Variants in RPH3AL observed in about 807,000 individuals in gnomAD.
The protein encoded by RPH3AL is rab effector Noc2.
In RPH3AL, 38 loss-of-function variants were observed where a neutral mutation model predicts 43.1. The observed-to-expected ratio is 0.88, with a 90% CI of 0.68 to 1.15. The LOEUF (loss-of-function observed/expected upper bound fraction) is 1.15. RPH3AL is among the 50% of genes most tolerant of loss of function. The probability of loss-of-function intolerance (pLI) is 0.00; values close to 1 mark genes in which losing one functional copy is unlikely to be tolerated. For missense variants in RPH3AL, 462 were observed against 423.2 expected (o/e 1.09, Z -0.81); for synonymous variants, 189 against 176.3 (o/e 1.07, Z -0.57).
chr17:326,674 A>C (rs2151707891), intron 3 of RPH3AL, among the ~76,000 whole-genome samples: 1 of 152,224 alleles, frequency 6.6e-6, no homozygotes, highest in East Asian at 1.9e-4. Context: ...TGAGGTCAGG[A>C]GTTCGAGACC....
At chr17:222,248 G>A (rs982939221) in intron 7 of RPH3AL, among the ~76,000 whole-genome samples, 2 of 152,258 alleles carry the variant, frequency 1.3e-5, no homozygotes, top group Non-Finnish European at 2.9e-5. Flanking sequence ...CCATTTCACA[G>A]GCAAGAAAAC....
chr17:225,538 T>C lies in RPH3AL; in HGVS notation c.614-5802A>G, dbSNP rs1189750238. Reference sequence around the variant, plus strand: ...ATTCCTGCTGGGCTCCTGGAGCAAGTTGTTCCCATGTTGCCCTTGGGGCAG... The same window carrying C: ...ATTCCTGCTGGGCTCCTGGAGCAAGCTGTTCCCATGTTGCCCTTGGGGCAG... On this transcript the variant is annotated intron_variant, in intron 7 of 9. Transcript: ENST00000331302. This position sits in a 1 kb window ranked among gnomAD's most constrained non-coding sequence, Gnocchi z 4.4. Among the ~76,000 whole-genome samples, 2 of 152,136 alleles carry C rather than the reference T, an allele frequency of 1.3e-5. No individual in the cohort carries two copies. Among genetic ancestry groups the C allele is most frequent in the African/African-American group, 4.8e-5 (2 of 41,444 alleles).
chr17:257,695 T>C lies in RPH3AL; in HGVS notation c.439-10410A>G, dbSNP rs60332351. On this transcript the variant is annotated intron_variant, in intron 6 of 9. Transcript: ENST00000331302. ...GTCTGTCCTTTTCCGTCCCTAGGAA[T>C]GTGACTACCCTACGTACTTCCTATG... 9.1e-3 allele frequency among the ~76,000 whole-genome samples: 272 copies of C among 29,880 alleles called. 7 individuals carry two copies. The highest frequency in any genetic ancestry group is 0.056 in the African/African-American group (155 of 2,778). 19.6% of individuals were successfully genotyped at this position (29,880 alleles called of 152,430 possible). A position where few individuals can be genotyped will look rare whatever the true frequency, so the allele number is the denominator to read the frequency against.
In RPH3AL at chr17:352,785, TC is replaced by T. The variant is rs1458556967; in HGVS notation, c.-287del. On this transcript the variant is annotated 5_prime_UTR_variant, in exon 1 of 10. Coordinates refer to ENST00000331302, the MANE Select transcript of RPH3AL (RefSeq NM_006987.4). ...GCCGCTCTCCCTCCCACCACCGTTG[TC>T]GGGGGTGACCCGAGGTGTTCCAGAT... 8.5e-5 allele frequency: 13 copies of T among 152,202 alleles called. No homozygotes were observed. The highest frequency in any genetic ancestry group is 8.5e-4 in the Admixed American group (13 of 15,274). The allele number at this position is 152,202 out of a possible 1,614,324, so 9.4% of individuals were successfully genotyped here.
chr17:221,804 AACAGC>A (rs1342560017), intron 7 of RPH3AL, among the ~76,000 whole-genome samples: 4 of 113,918 alleles, frequency 3.5e-5, no homozygotes, highest in African/African-American at 1.5e-4. Context: ...ACCCAAGCAC[AACAGC>A]TCTGAGGGCT....
chr17:296,066 G>A lies in RPH3AL; in HGVS notation c.352-14212C>T, dbSNP rs182077276. On this transcript the variant is annotated intron_variant, in intron 5 of 9. Coordinates refer to ENST00000331302, the MANE Select transcript of RPH3AL (RefSeq NM_006987.4). Reference sequence around the variant, plus strand: ...GGACAGAGGAGCTGCAGAAATGGACGGGCAGAGGGAATACACATCAGTGTG... The same window carrying A: ...GGACAGAGGAGCTGCAGAAATGGACAGGCAGAGGGAATACACATCAGTGTG... 2.3e-4 allele frequency among the ~76,000 whole-genome samples: 33 copies of A among 141,368 alleles called. 1 individual carries two copies. Among genetic ancestry groups the A allele is most frequent in the African/African-American group, 7.5e-4 (28 of 37,478 alleles). The allele number at this position is 141,368 out of a possible 152,430, so 92.7% of individuals were successfully genotyped here.
Position 348,543 on chromosome 17 carries a change from AAAAAAAGT to A in RPH3AL, c.-213+4161_-213+4168del, listed in dbSNP as rs373234729. On this transcript the variant is annotated intron_variant, in intron 1 of 9. Transcript: ENST00000331302. ...AACCTAACACTGTTCAAGAAAAAAA[AAAAAAAGT>A]AAAGTGCTACCAAATGCAATGAAAA... 7.7e-3 allele frequency among the ~76,000 whole-genome samples: 1,169 copies of A among 151,904 alleles called. 9 individuals are homozygous for A. Among genetic ancestry groups the A allele is most frequent in the African/African-American group, 0.027 (1,097 of 41,384 alleles).
At chr17:263,377 T>C (rs185303878) in intron 6 of RPH3AL, among the ~76,000 whole-genome samples, 36 of 152,262 alleles carry the variant, frequency 2.4e-4, no homozygotes, top group Admixed American at 2.0e-3. Flanking sequence ...TCATCTTGCA[T>C]GGCCAGGAGT....
chr17:229,388 C>G (rs1277132751), intron 7 of RPH3AL, among the ~76,000 whole-genome samples: 2 of 152,216 alleles, frequency 1.3e-5, no homozygotes, highest in Admixed American at 6.5e-5. Context: ...AAATGCTCCC[C>G]AGGACAGGAA....
At chr17:307,910 T>C (rs1471091608) in intron 5 of RPH3AL, among the ~76,000 whole-genome samples, 1 of 152,216 alleles carries the variant, frequency 6.6e-6, no homozygotes, top group Non-Finnish European at 1.5e-5. Flanking sequence ...AAGGCAGATG[T>C]TCCAAGATGC....
In RPH3AL at chr17:350,419, G is replaced by T. The variant is rs188192761; in HGVS notation, c.-213+2293C>A. Among the ~76,000 whole-genome samples, 82 of 152,260 alleles carry T rather than the reference G, an allele frequency of 5.4e-4. No individual in the cohort carries two copies. In the East Asian group the frequency reaches 0.015, roughly 28 times the overall value. ...GAGGTCAAGAGATCAAGACCAGCCT[G>T]GCCAACATGGGTGAAACACCATCTC... On this transcript the variant is annotated intron_variant, in intron 1 of 9. Coordinates refer to ENST00000331302, the MANE Select transcript of RPH3AL (RefSeq NM_006987.4).
chr17:240,582 G>A (rs1039841956), intron 7 of RPH3AL, among the ~76,000 whole-genome samples: 5 of 152,136 alleles, frequency 3.3e-5, no homozygotes, highest in African/African-American at 9.7e-5. Context: ...CTTCCACTTC[G>A]CATGGTGTTT....
chr17:239,388 G>A (rs1011213464), intron 7 of RPH3AL, among the ~76,000 whole-genome samples: 3 of 152,216 alleles, frequency 2.0e-5, no homozygotes, highest in Non-Finnish European at 4.4e-5. Context: ...CCAGTTATGA[G>A]ATAGGTCTGT....
intron 5 of RPH3AL, among the ~76,000 whole-genome samples, chr17:317,210 C>A (rs2044286611): frequency 6.6e-6 from 1 of 150,878 alleles, no homozygotes; most frequent in Admixed American, 6.6e-5. Context: ...CTGTACTCCA[C>A]CTCCATTGAC....
chr17:338,242 G>A (rs1003041114), intron 1 of RPH3AL, among the ~76,000 whole-genome samples: 30 of 152,218 alleles, frequency 2.0e-4, no homozygotes, highest in Admixed American at 1.5e-3. Context: ...CAGGAGGATC[G>A]TTTGAGCTCA....
intron 6 of RPH3AL, among the ~76,000 whole-genome samples, chr17:268,517 T>C (rs1239828752): frequency 1.3e-5 from 2 of 151,152 alleles, no homozygotes; most frequent in East Asian, 1.9e-4. Flanking sequence ...TTTTGGAGAG[T>C]TAATAGTTAT....
chr17:313,780 A>T (rs1264703948), intron 5 of RPH3AL, among the ~76,000 whole-genome samples: 5 of 152,160 alleles, frequency 3.3e-5, no homozygotes, highest in African/African-American at 1.2e-4. Context: ...TTATTTACAG[A>T]ATGAATGAAG....
rs372761475 is a variant in RPH3AL at position 258,757 on chromosome 17, G to GTTTTTTTTTTTTTTTTT, written c.439-11489_439-11473dup. ...TCAGCCATTTTGGGATAGTCAACCC[G>GTTTTTTTTTTTTTTTTT]TTTTTTTTTTTTTTTTTTTTTGAGA... On this transcript the variant is annotated intron_variant, in intron 6 of 9. Transcript: ENST00000331302. 2.0e-5 allele frequency among the ~76,000 whole-genome samples: 2 copies of GTTTTTTTTTTTTTTTTT among 98,770 alleles called. 1 individual carries two copies. 64.8% of individuals were successfully genotyped at this position (98,770 alleles called of 152,430 possible).
intron 5 of RPH3AL, among the ~76,000 whole-genome samples, chr17:301,377 C>G (rs1372240891): frequency 6.6e-6 from 1 of 152,204 alleles, no homozygotes; most frequent in East Asian, 1.9e-4. Context: ...GAGCACGGCT[C>G]ACTGTAGCTT....
Sources: allele counts gnomAD v4.1 joint callset (sites outside exome capture counted in the v4.1 genomes callset), GRCh38; gene constraint gnomAD v4.1.1; non-coding constraint Gnocchi (gnomAD v3.1); transcripts MANE v1.5; gene names NCBI Gene and HGNC (gene_info 2026-07-23, HGNC 2026-07-21).